The following TMC1 variants were observed in gnomAD, a reference collection of about 807,000 sequenced individuals.
TMC1 encodes transmembrane channel-like protein 1.
Under a neutral mutation model 105.8 loss-of-function variants are expected in TMC1, and 84 were observed. The observed-to-expected ratio is 0.79, with a 90% CI of 0.67 to 0.95. The LOEUF (loss-of-function observed/expected upper bound fraction) is 0.95, where lower values mean the gene tolerates loss of function less well. Ranked by LOEUF, TMC1 falls within the 40% of genes least tolerant of loss-of-function variation. TMC1 has a pLI of 0.00. For missense variants in TMC1, 817 were observed against 914.1 expected (o/e 0.89, Z 1.37); for synonymous variants, 315 against 311.5 (o/e 1.01, Z -0.12).
intron 19 of TMC1, chr9:72,818,540 C>T (rs962344739): frequency 1.3e-5 from 2 of 152,138 alleles, no homozygotes; most frequent in Non-Finnish European, 2.9e-5. Context: ...TCACTGGGTA[C>T]TCTCCCGCCA....
chr9:72,795,931 C>T lies in TMC1; in HGVS notation c.1566+3579C>T, dbSNP rs181504727. Among the ~76,000 whole-genome samples the T allele has an allele frequency of 1.5e-4, 22 of 151,114 alleles. No individual in the cohort carries two copies. The East Asian group carries it at 2.7e-3, about 19-fold the overall frequency. On this transcript the variant is annotated intron_variant, in intron 17 of 23. Coordinates refer to ENST00000297784, the MANE Select transcript of TMC1 (RefSeq NM_138691.3). ...CATCTCATGCTTAATAACACCCACA[C>T]GCTAAAAATAAAGGGATGGAAGAAA...
At chr9:72,561,708 A>G (rs533539884) in intron 1 of TMC1, among the ~76,000 whole-genome samples, 1 of 152,342 alleles carries the variant, frequency 6.6e-6, no homozygotes, top group Non-Finnish European at 1.5e-5. Context: ...CAGCAGAGGT[A>G]GTGAGTTCAG....
chr9:72,570,285 T>A (rs1453137644), intron 1 of TMC1, among the ~76,000 whole-genome samples: 2 of 151,412 alleles, frequency 1.3e-5, no homozygotes, highest in Non-Finnish European at 2.9e-5. Context: ...TATATACAAA[T>A]TTCTTTAGAT....
chr9:72,786,669 A>C (rs994816921), intron 13 of TMC1, among the ~76,000 whole-genome samples: 1 of 152,200 alleles, frequency 6.6e-6, no homozygotes, highest in African/African-American at 2.4e-5. Flanking sequence ...GCTTATAGCT[A>C]TCATGGCCAT....
chr9:72,596,888 C>A (rs1459251328), intron 2 of TMC1, among the ~76,000 whole-genome samples: 1 of 152,202 alleles, frequency 6.6e-6, no homozygotes, highest in African/African-American at 2.4e-5. Flanking sequence ...CTGAAAAGAG[C>A]TTATGAGATA....
intron 1 of TMC1, among the ~76,000 whole-genome samples, chr9:72,538,846 C>T (rs12338741): frequency 0.52 from 79,645 of 151,866 alleles, 21,826 homozygotes; most frequent in African/African-American, 0.69. Context: ...AAGAGTCTGT[C>T]TTGTCAGTCA....
chr9:72,735,507 C>T (rs552877303), intron 8 of TMC1, among the ~76,000 whole-genome samples: 5 of 152,156 alleles, frequency 3.3e-5, no homozygotes, highest in Non-Finnish European at 5.9e-5. Flanking sequence ...GTCATGGACA[C>T]TTCACTGTTC....
intron 8 of TMC1, among the ~76,000 whole-genome samples, chr9:72,711,102 CT>C (rs747205821): frequency 1.3e-5 from 2 of 152,146 alleles, no homozygotes; most frequent in South Asian, 2.1e-4. Flanking sequence ...TTAACTCATC[CT>C]TTTTTATGGC....
At chr9:72,573,967 A>T (rs1302129345) in intron 1 of TMC1, among the ~76,000 whole-genome samples, 1 of 152,116 alleles carries the variant, frequency 6.6e-6, no homozygotes. Flanking sequence ...AGTAGACCCC[A>T]GAGTCTGTTG....
intron 20 of TMC1, among the ~76,000 whole-genome samples, chr9:72,824,450 A>G (rs1828921550): frequency 6.6e-6 from 1 of 152,218 alleles, no homozygotes; most frequent in African/African-American, 2.4e-5. Context: ...GGATTATTGA[A>G]GGATGGTGAA....
chr9:72,797,122 T>A (rs1001218100), intron 17 of TMC1, among the ~76,000 whole-genome samples: 12 of 152,044 alleles, frequency 7.9e-5, no homozygotes, highest in Non-Finnish European at 1.6e-4. Flanking sequence ...CTACAATTGC[T>A]ACAAAGATAA....
In TMC1 at chr9:72,572,603, C is replaced by T. The variant is rs769114904; in HGVS notation, c.-427-5299C>T. Among the ~76,000 whole-genome samples the T allele has an allele frequency of 8.0e-4, 122 of 152,162 alleles. 1 individual carries two copies. Among genetic ancestry groups the T allele is most frequent in the Non-Finnish European group, 2.6e-4 (18 of 68,028 alleles). Reference sequence around the variant, plus strand: ...ATGCTAGGCATTGACAAATGGCTTCCTAAAGGGGTAATACCTGTGTACATT... The same window carrying T: ...ATGCTAGGCATTGACAAATGGCTTCTTAAAGGGGTAATACCTGTGTACATT... On this transcript the variant is annotated intron_variant, in intron 1 of 23. Coordinates refer to ENST00000297784, the MANE Select transcript of TMC1 (RefSeq NM_138691.3).
rs866389527 is a variant in TMC1, at chr9:72,623,045, C to G, written c.-195-4876C>G. Among the ~76,000 whole-genome samples, 18 of 114,076 alleles carry G rather than the reference C, an allele frequency of 1.6e-4. No individual in the cohort carries two copies. The Middle Eastern group carries it at 0.026, about 163-fold the overall frequency. 74.8% of individuals were successfully genotyped at this position (114,076 alleles called of 152,430 possible). A position where few individuals can be genotyped will look rare whatever the true frequency, so the allele number is the denominator to read the frequency against. Reference sequence around the variant, plus strand: ...CCAGCCTGGGTGACAGAGCGAGACTCCATCTCAAAAAAAAAAACAAACAAA... The same window carrying G: ...CCAGCCTGGGTGACAGAGCGAGACTGCATCTCAAAAAAAAAAACAAACAAA... On this transcript the variant is annotated intron_variant, in intron 3 of 23. Transcript: ENST00000297784.
intron 23 of TMC1, among the ~76,000 whole-genome samples, chr9:72,832,518 C>T (rs1829057047): frequency 6.6e-6 from 1 of 152,184 alleles, no homozygotes; most frequent in Non-Finnish European, 1.5e-5. Flanking sequence ...TTACTGAAGT[C>T]AGTCAGGACC....
intron 23 of TMC1, among the ~76,000 whole-genome samples, chr9:72,834,375 G>A (rs563485417): frequency 1.6e-4 from 24 of 152,102 alleles, no homozygotes; most frequent in Middle Eastern, 3.4e-3. Flanking sequence ...GTGACCCTCA[G>A]CTCATATTTC....
At chr9:72,757,970 G>A (rs1827698695) in intron 12 of TMC1, among the ~76,000 whole-genome samples, 1 of 152,068 alleles carries the variant, frequency 6.6e-6, no homozygotes, top group Admixed American at 6.5e-5. Flanking sequence ...AAATACATAA[G>A]TAAATAAAAG....
intron 10 of TMC1, among the ~76,000 whole-genome samples, chr9:72,744,558 T>C (rs1401847893): frequency 6.6e-6 from 1 of 152,184 alleles, no homozygotes; most frequent in Admixed American, 6.5e-5. Context: ...ATATATATAG[T>C]AAGAACTCTG....
intron 10 of TMC1, among the ~76,000 whole-genome samples, chr9:72,749,460 C>T (rs1045394972): frequency 1.3e-5 from 2 of 152,026 alleles, no homozygotes; most frequent in African/African-American, 4.8e-5. Context: ...CTCAGGTAGT[C>T]GTTACCAGAG....
chr9:72,757,262 G>A (rs1329628410), intron 12 of TMC1, among the ~76,000 whole-genome samples: 1 of 152,208 alleles, frequency 6.6e-6, no homozygotes, highest in Non-Finnish European at 1.5e-5. Context: ...GCATCATGCA[G>A]TGAACTGTGA....
Sources: gnomAD v4.1 joint callset for allele counts (sites outside exome capture counted in the v4.1 genomes callset) on GRCh38, gnomAD v4.1.1 for gene constraint, MANE v1.5 for transcripts, NCBI Gene and HGNC (gene_info 2026-07-23, HGNC 2026-07-21) for gene names.